ST6GALNAC3: variants seen among roughly 807,000 people sequenced by gnomAD.
ST6GALNAC3 encodes the protein ST6 N-acetylgalactosaminide alpha-2,6-sialyltransferase 3.
ST6GALNAC3 carries 25 observed loss-of-function variants against 32.7 expected under a neutral mutation model. That is an observed-to-expected ratio of 0.76 (90% confidence interval 0.56 to 1.07). The LOEUF (loss-of-function observed/expected upper bound fraction) is 1.07, where lower values mean the gene tolerates loss of function less well. ST6GALNAC3 is among the 50% of genes least tolerant of loss of function. The pLI, the probability that ST6GALNAC3 is intolerant of heterozygous loss-of-function variation, is 0.00. For missense variants in ST6GALNAC3, 355 were observed against 382.4 expected (o/e 0.93, Z 0.60); for synonymous variants, 129 against 133.1 (o/e 0.97, Z 0.21).
At chr1:76,410,088 T>C (rs1255235017) in intron 2 of ST6GALNAC3, among the ~76,000 whole-genome samples, 1 of 152,100 alleles carries the variant, frequency 6.6e-6, no homozygotes, top group East Asian at 1.9e-4. Flanking sequence ...TCCACACAGT[T>C]GCCAAAGCTG....
intron 2 of ST6GALNAC3, chr1:76,353,508 G>A (rs371023779): frequency 6.6e-6 from 1 of 152,474 alleles, no homozygotes; most frequent in Non-Finnish European, 1.5e-5. Context: ...GACTCCAGCT[G>A]AGGTTAGACT....
At chr1:76,507,624 A>C (rs551719612) in intron 3 of ST6GALNAC3, among the ~76,000 whole-genome samples, 1 of 152,324 alleles carries the variant, frequency 6.6e-6, no homozygotes, top group East Asian at 1.9e-4. Context: ...TTTATGGCTA[A>C]GTTATACTCT....
intron 3 of ST6GALNAC3, among the ~76,000 whole-genome samples, chr1:76,486,108 T>C (rs1660092804): frequency 6.6e-6 from 1 of 152,360 alleles, no homozygotes; most frequent in Middle Eastern, 3.4e-3. Flanking sequence ...ATAATTTCTG[T>C]TCTTTTACAT....
chr1:76,629,135 T>G lies in ST6GALNAC3; in HGVS notation c.*329T>G. The G allele has an allele frequency of 9.3e-7, 1 of 1,075,202 alleles. No individual in the cohort carries two copies. Among genetic ancestry groups the G allele is most frequent in the Non-Finnish European group, 1.1e-6 (1 of 889,034 alleles). The allele number at this position is 1,075,202 out of a possible 1,614,324, so 66.6% of individuals were successfully genotyped here. ...TATCTTTCAAGATAGCTGCCTAGAA[T>G]TGTTCAACAGTGAGTAACTTCCAGA... is the stretch of plus-strand genomic sequence containing the variant. On this transcript the variant is annotated 3_prime_UTR_variant, in exon 5 of 5. Transcript: ENST00000328299.
intron 3 of ST6GALNAC3, among the ~76,000 whole-genome samples, chr1:76,493,744 T>A (rs1660638423): frequency 6.6e-6 from 1 of 152,158 alleles, no homozygotes; most frequent in Non-Finnish European, 1.5e-5. Context: ...TATTGATTTA[T>A]CTGTTAGGCC....
At chr1:76,153,295 A>G (rs1196222847) in intron 1 of ST6GALNAC3, among the ~76,000 whole-genome samples, 1 of 152,112 alleles carries the variant, frequency 6.6e-6, no homozygotes, top group Non-Finnish European at 1.5e-5. Flanking sequence ...AAGGACACTG[A>G]TAATGTTCTC....
chr1:76,566,560 C>A (rs1466580305), intron 3 of ST6GALNAC3, among the ~76,000 whole-genome samples: 1 of 152,058 alleles, frequency 6.6e-6, no homozygotes, highest in Non-Finnish European at 1.5e-5. Flanking sequence ...GCCCCCAAGA[C>A]CCTTCCAATG....
intron 1 of ST6GALNAC3, among the ~76,000 whole-genome samples, chr1:76,083,665 A>T (rs1192827293): frequency 1.3e-5 from 2 of 152,264 alleles, no homozygotes; most frequent in East Asian, 3.8e-4. Flanking sequence ...TAAAAAAGCA[A>T]AAAAGAAACA....
At chr1:76,312,583 A>T (rs1005719395) in intron 1 of ST6GALNAC3, among the ~76,000 whole-genome samples, 1 of 152,114 alleles carries the variant, frequency 6.6e-6, no homozygotes, top group African/African-American at 2.4e-5. Flanking sequence ...TACAAAAAAA[A>T]AATAAAAATA....
intron 1 of ST6GALNAC3, among the ~76,000 whole-genome samples, chr1:76,193,393 A>G (rs1047693730): frequency 1.3e-5 from 2 of 152,208 alleles, no homozygotes; most frequent in Admixed American, 6.5e-5. Flanking sequence ...GCTAATTACC[A>G]TAAGTACCAA....
intron 1 of ST6GALNAC3, among the ~76,000 whole-genome samples, chr1:76,195,928 A>G (rs991268907): frequency 6.6e-6 from 1 of 152,220 alleles, no homozygotes; most frequent in Non-Finnish European, 1.5e-5. Flanking sequence ...GGTAAGAAGG[A>G]GAAAGGTTTT....
At chr1:76,414,688 A>C (rs1231739015) in intron 3 of ST6GALNAC3, among the ~76,000 whole-genome samples, 1 of 152,080 alleles carries the variant, frequency 6.6e-6, no homozygotes, top group African/African-American at 2.4e-5. Context: ...GTATGGTTTC[A>C]TCTATACCCC....
At chr1:76,229,540 C>G (rs1557711992) in intron 1 of ST6GALNAC3, among the ~76,000 whole-genome samples, 1 of 152,190 alleles carries the variant, frequency 6.6e-6, no homozygotes, top group East Asian at 1.9e-4. Flanking sequence ...CTCCCTGCCT[C>G]TAGCAAGCTC....
intron 3 of ST6GALNAC3, among the ~76,000 whole-genome samples, chr1:76,495,143 A>G (rs1414271965): frequency 6.6e-6 from 1 of 152,144 alleles, no homozygotes; most frequent in African/African-American, 2.4e-5. Context: ...CCTCACAGAC[A>G]TGCCCAGGAT....
At chr1:76,435,990 C>T (rs1187079581) in intron 3 of ST6GALNAC3, among the ~76,000 whole-genome samples, 1 of 151,960 alleles carries the variant, frequency 6.6e-6, no homozygotes, top group Non-Finnish European at 1.5e-5. Flanking sequence ...ACACTGCACC[C>T]AATTTGTAGT....
At chr1:76,191,669 A>G (rs1325339577) in intron 1 of ST6GALNAC3, among the ~76,000 whole-genome samples, 1 of 152,080 alleles carries the variant, frequency 6.6e-6, no homozygotes, top group Non-Finnish European at 1.5e-5. Flanking sequence ...TGTGTCAACT[A>G]AAAAATAAGA....
intron 2 of ST6GALNAC3, among the ~76,000 whole-genome samples, chr1:76,390,806 G>T (rs928234178): frequency 2.0e-5 from 3 of 151,644 alleles, no homozygotes; most frequent in Non-Finnish European, 2.9e-5. Flanking sequence ...CCTGTAAATT[G>T]TTTTGTGGTT....
At chr1:76,225,758 G>A (rs1235446536) in intron 1 of ST6GALNAC3, among the ~76,000 whole-genome samples, 1 of 152,136 alleles carries the variant, frequency 6.6e-6, no homozygotes, top group Non-Finnish European at 1.5e-5. Flanking sequence ...ATGAAATGAT[G>A]ACAAATTGGG....
intron 3 of ST6GALNAC3, among the ~76,000 whole-genome samples, chr1:76,576,141 C>T (rs79697343): frequency 3.4e-4 from 52 of 151,970 alleles, no homozygotes; most frequent in African/African-American, 8.7e-4. Flanking sequence ...CAACTCTGCT[C>T]GAAAATTTCT....
Sources: gnomAD v4.1 joint callset for allele counts (sites outside exome capture counted in the v4.1 genomes callset) on GRCh38, gnomAD v4.1.1 for gene constraint, MANE v1.5 for transcripts, NCBI Gene and HGNC (gene_info 2026-07-23, HGNC 2026-07-21) for gene names.